Variants in PACS2 observed in about 807,000 individuals in gnomAD.
PACS2 encodes PACS1-like protein.
PACS2 carries 36 observed loss-of-function variants against 113.0 expected under a neutral mutation model. The ratio of observed to expected loss-of-function variants is 0.32; its 90% CI spans 0.24 to 0.42. PACS2 has a LOEUF of 0.42. Ranked by LOEUF, PACS2 falls within the 10% of genes least tolerant of loss-of-function variation. The probability of loss-of-function intolerance (pLI) is 1.00; values close to 1 mark genes in which losing one functional copy is unlikely to be tolerated. For synonymous variants in PACS2, 589 were observed against 536.1 expected (o/e 1.10, Z -1.36); for missense variants, 1,015 against 1,239.5 (o/e 0.82, Z 2.72).
At chr14:105,350,880 A>G (rs979235296) in intron 2 of PACS2, among the ~76,000 whole-genome samples, 6 of 152,156 alleles carry the variant, frequency 3.9e-5, no homozygotes, top group Non-Finnish European at 7.4e-5. Flanking sequence ...GGGAGAGGAG[A>G]GGGGACAGGA....
chr14:105,345,110 A>C (rs2059871898), intron 1 of PACS2, among the ~76,000 whole-genome samples: 1 of 150,816 alleles, frequency 6.6e-6, no homozygotes, highest in Non-Finnish European at 1.5e-5. Context: ...CTCCATCTCA[A>C]AAAAGATGGA....
chr14:105,316,294 G>C (rs1343134247), intron 1 of PACS2, among the ~76,000 whole-genome samples: 1 of 152,242 alleles, frequency 6.6e-6, no homozygotes, highest in Non-Finnish European at 1.5e-5. Context: ...AGATGTGCCT[G>C]CTTGCCTCTC....
chr14:105,316,391 G>A (rs953668859), intron 1 of PACS2, among the ~76,000 whole-genome samples: 3 of 152,190 alleles, frequency 2.0e-5, no homozygotes, highest in African/African-American at 7.2e-5. Context: ...CTTGGCGATT[G>A]CCCCAATGTC....
chr14:105,364,225 A>G (rs1323945876), intron 4 of PACS2, among the ~76,000 whole-genome samples: 2 of 152,224 alleles, frequency 1.3e-5, no homozygotes, highest in African/African-American at 2.4e-5. Context: ...TGTAAAAAAC[A>G]GAAGATCAGC....
At chr14:105,320,363 A>G (rs2058841189) in intron 1 of PACS2, among the ~76,000 whole-genome samples, 1 of 151,618 alleles carries the variant, frequency 6.6e-6, no homozygotes, top group African/African-American at 2.4e-5. Flanking sequence ...TGGTGGATAT[A>G]TATTTATTTA....
chr14:105,335,885 C>A (rs587649109), intron 1 of PACS2, among the ~76,000 whole-genome samples: 36 of 152,360 alleles, frequency 2.4e-4, no homozygotes, highest in African/African-American at 7.2e-4. Flanking sequence ...GATGCAGGAG[C>A]AGAGAGCCCC....
intron 1 of PACS2, among the ~76,000 whole-genome samples, chr14:105,331,931 G>A (rs945322904): frequency 2.0e-5 from 3 of 152,162 alleles, no homozygotes; most frequent in South Asian, 2.1e-4. Flanking sequence ...TTGTCTCCTC[G>A]GTACTTTGAC....
rs150673355 is a variant in PACS2 at position 105,357,239 on chromosome 14, C to T, written c.423+2062C>T. Among the ~76,000 whole-genome samples, 1,119 of 152,218 alleles carry T rather than the reference C, an allele frequency of 7.4e-3. 16 individuals carry two copies. Among genetic ancestry groups the T allele is most frequent in the African/African-American group, 0.026 (1,063 of 41,530 alleles). On this transcript the variant is annotated intron_variant, in intron 4 of 24. Transcript: ENST00000447393. The surrounding 1 kb of genome is among the most constrained non-coding windows in gnomAD (Gnocchi z 5.1). ...CAGCCTTGGGCTGTCCCCTCCTGAT[C>T]CCCGGGGAGAGGCTGGAGCAACCTT... is the stretch of plus-strand genomic sequence containing the variant.
At chr14:105,390,132 C>T (rs2081307948) in intron 20 of PACS2, 129 bp downstream of exon 20, 2 of 884,204 alleles carry the variant, frequency 2.3e-6, no homozygotes, top group Non-Finnish European at 3.8e-6. Flanking sequence ...GGGGATTTGC[C>T]TTCCCATCTG....
intron 19 of PACS2, among the ~76,000 whole-genome samples, chr14:105,387,570 G>T (rs1182788636): frequency 3.3e-5 from 5 of 152,234 alleles, no homozygotes; most frequent in Non-Finnish European, 2.9e-5. Flanking sequence ...CAGGATGAGG[G>T]TCTCAGTGTC....
chr14:105,359,079 ACGT>A (rs1339286942), intron 4 of PACS2, among the ~76,000 whole-genome samples: 2 of 152,032 alleles, frequency 1.3e-5, no homozygotes, highest in Non-Finnish European at 2.9e-5. Context: ...GGTCACACAC[ACGT>A]CCATCCCTAC....
rs2081566945 is a variant in PACS2 at position 105,397,740 on chromosome 14, C to T, written c.*3068C>T. 6.6e-6 allele frequency: 1 copy of T among 152,290 alleles called. No homozygotes were observed. Among genetic ancestry groups the T allele is most frequent in the Admixed American group, 6.5e-5 (1 of 15,286 alleles). 9.4% of individuals were successfully genotyped at this position (152,290 alleles called of 1,614,324 possible). A position where few individuals can be genotyped will look rare whatever the true frequency, so the allele number is the denominator to read the frequency against. On this transcript the variant is annotated 3_prime_UTR_variant, in exon 25 of 25. Coordinates refer to ENST00000447393, the MANE Select transcript of PACS2 (RefSeq NM_001100913.3). ...GGTACTGGCAGCCTTGCCACACTGT[C>T]CTCATTCCCAGATGGAAAGACCTGA...
rs1383362290 is a variant in PACS2 at position 105,330,069 on chromosome 14, A to G, written c.119+15032A>G. Among the ~76,000 whole-genome samples, 903 of 106,552 alleles carry G rather than the reference A, an allele frequency of 8.5e-3. No individual in the cohort carries two copies. The highest frequency in any genetic ancestry group is 0.034 in the Middle Eastern group (5 of 146). The allele number at this position is 106,552 out of a possible 152,430, so 69.9% of individuals were successfully genotyped here. On this transcript the variant is annotated intron_variant, in intron 1 of 24. Transcript: ENST00000447393. The surrounding 1 kb of genome is among the most constrained non-coding windows in gnomAD (Gnocchi z 6.9). ...AGAGCCTCCGAGAAGCCTGGGGTCC[A>G]TGTGTGGGAAGGAACGGGGACAGGG...
At chr14:105,367,933 G>C in intron 5 of PACS2, 141 bp from the exon 6 acceptor site, 1 of 673,354 alleles carries the variant, frequency 1.5e-6, no homozygotes, top group Non-Finnish European at 2.7e-6. Flanking sequence ...CACGGCACCT[G>C]TGTCTGGAGC....
rs1055751910 is a variant in PACS2 at position 105,323,294 on chromosome 14, G to C, written c.119+8257G>C. On this transcript the variant is annotated intron_variant, in intron 1 of 24. Transcript: ENST00000447393. This position sits in a 1 kb window ranked among gnomAD's most constrained non-coding sequence, Gnocchi z 4.1. ...AATTGGACGTGTTGCTCTTCCTGCCGGATCCTCCACATCCATAGATGCACT... is the reference window on the plus strand; with the variant it reads ...AATTGGACGTGTTGCTCTTCCTGCCCGATCCTCCACATCCATAGATGCACT... Among the ~76,000 whole-genome samples, 2 of 152,128 alleles carry C rather than the reference G, an allele frequency of 1.3e-5. No homozygotes were observed. The highest frequency in any genetic ancestry group is 2.4e-5 in the African/African-American group (1 of 41,422).
chr14:105,388,393 T>C (rs1020276201), intron 19 of PACS2, among the ~76,000 whole-genome samples: 4 of 152,242 alleles, frequency 2.6e-5, no homozygotes, highest in Non-Finnish European at 4.4e-5. Flanking sequence ...GGGCACACTT[T>C]GTGGGGAGCA....
At chr14:105,382,117 A>T in intron 13 of PACS2, 59 bp downstream of exon 13, 1 of 1,497,884 alleles carries the variant, frequency 6.7e-7, no homozygotes, top group Non-Finnish European at 8.9e-7. Flanking sequence ...CCTGGCACCA[A>T]CCAGAGCAGG....
At chr14:105,311,052 A>T (rs181099326), upstream of PACS2, among the ~76,000 whole-genome samples, 12 of 152,222 alleles carry the variant, frequency 7.9e-5, 1 homozygote, top group African/African-American at 2.9e-4. Flanking sequence ...TGCTGGGTTC[A>T]AGCGATTCTC....
intron 9 of PACS2, among the ~76,000 whole-genome samples, chr14:105,378,628 C>T (rs998378856): frequency 5.9e-5 from 9 of 152,220 alleles, no homozygotes; most frequent in Non-Finnish European, 1.3e-4. Flanking sequence ...AGGCTGGTCT[C>T]GAACTGAGCT....
Sources: allele counts gnomAD v4.1 joint callset (sites outside exome capture counted in the v4.1 genomes callset), GRCh38; gene constraint gnomAD v4.1.1; non-coding constraint Gnocchi (gnomAD v3.1); transcripts MANE v1.5; gene names NCBI Gene and HGNC (gene_info 2026-07-23, HGNC 2026-07-21).